The following PRKCZ variants were observed in gnomAD, a reference collection of about 807,000 sequenced individuals.
PRKCZ encodes protein kinase C zeta, also known as protein kinase C zeta type.
PRKCZ carries 33 observed loss-of-function variants against 79.5 expected under a neutral mutation model. That is an observed-to-expected ratio of 0.41 (90% CI 0.31 to 0.55). PRKCZ has a LOEUF of 0.55. Ranked by LOEUF, PRKCZ falls within the 20% of genes least tolerant of loss-of-function variation. The pLI is 0.19. For missense variants in PRKCZ, 578 were observed against 813.5 expected, an observed-to-expected ratio of 0.71 and a Z score of 3.52; for synonymous variants, 342 against 320.9, an observed-to-expected ratio of 1.07 and a Z score of -0.70.
rs1475066618 is a variant in PRKCZ, at chr1:2,055,869, C to CTT, written c.193+311_193+312dup. On this transcript the variant is annotated intron_variant, in intron 2 of 17. Transcript: ENST00000378567. ...CTGACCTCCTTTCTCATGTCCTGGC[C>CTT]TTTTTCGGTAGGTGCTTCTGAAAGG... 8 of 302,414 alleles carry CTT rather than the reference C, an allele frequency of 2.6e-5. No individual in the cohort carries two copies. The East Asian group carries it at 4.3e-4, about 16-fold the overall frequency. 18.7% of individuals were successfully genotyped at this position (302,414 alleles called of 1,614,324 possible).
At chr1:2,079,640 C>T (rs1663104613) in intron 4 of PRKCZ, among the ~76,000 whole-genome samples, 1 of 152,240 alleles carries the variant, frequency 6.6e-6, no homozygotes, top group Non-Finnish European at 1.5e-5. Context: ...ACAACGCTGG[C>T]CCCGCGGCTG....
At chr1:2,048,657 G>A (rs1659424265), upstream of PRKCZ, among the ~76,000 whole-genome samples, 1 of 152,234 alleles carries the variant, frequency 6.6e-6, no homozygotes, top group South Asian at 2.1e-4. Context: ...AGGCTCATTA[G>A]GAGGATGCCT....
chr1:2,118,752 T>A (rs889512585), intron 4 of PRKCZ, among the ~76,000 whole-genome samples: 4 of 142,346 alleles, frequency 2.8e-5, no homozygotes, highest in Non-Finnish European at 6.0e-5. Context: ...TGTGTGTGTG[T>A]GTGAGATGAG....
At chr1:2,110,555 A>T (rs1276327863) in intron 4 of PRKCZ, among the ~76,000 whole-genome samples, 1 of 152,128 alleles carries the variant, frequency 6.6e-6, no homozygotes, top group Non-Finnish European at 1.5e-5. Flanking sequence ...AGGGAAACAG[A>T]GACTCCTCTG....
intron 4 of PRKCZ, among the ~76,000 whole-genome samples, chr1:2,072,357 A>G (rs563237741): frequency 3.9e-5 from 6 of 152,260 alleles, no homozygotes; most frequent in South Asian, 2.1e-4. Flanking sequence ...GAGGCCAGCC[A>G]TCAGGAGATG....
chr1:2,128,203 G>A lies in PRKCZ; in HGVS notation c.335-7059G>A, dbSNP rs1674312097. Among the ~76,000 whole-genome samples, 1 of 152,230 alleles carries A rather than the reference G, an allele frequency of 6.6e-6. No homozygotes were observed. Among genetic ancestry groups the A allele is most frequent in the Non-Finnish European group, 1.5e-5 (1 of 68,028 alleles). On this transcript the variant is annotated intron_variant, in intron 4 of 17. Transcript: ENST00000378567. The surrounding 1 kb of genome is among the most constrained non-coding windows in gnomAD (Gnocchi z 6.5). Reference sequence around the variant, plus strand: ...GTCACTGACCTGGGCCACCATAGAAGGCACCTGGCTATCTGCATGTGGCTT... The same window carrying A: ...GTCACTGACCTGGGCCACCATAGAAAGCACCTGGCTATCTGCATGTGGCTT...
In PRKCZ at chr1:2,084,887, C is replaced by T. The variant is rs553344671; in HGVS notation, c.334+25296C>T. The stretch of plus-strand genomic sequence containing the variant: ...GCCTGGTGTAGTGGTGCACACCTGT[C>T]GTTCCAGCTCCTCGGGGAGGCTGAG... On this transcript the variant is annotated intron_variant, in intron 4 of 17. Coordinates refer to ENST00000378567, the MANE Select transcript of PRKCZ (RefSeq NM_002744.6). Among the ~76,000 whole-genome samples the T allele has an allele frequency of 2.6e-3, 397 of 152,102 alleles. 5 individuals carry two copies. Among genetic ancestry groups the T allele is most frequent in the African/African-American group, 9.2e-3 (382 of 41,482 alleles).
At chr1:2,104,120 A>G (rs1667960875) in intron 4 of PRKCZ, among the ~76,000 whole-genome samples, 1 of 152,004 alleles carries the variant, frequency 6.6e-6, no homozygotes, top group African/African-American at 2.4e-5. Context: ...CGCGCCTGTA[A>G]GGAGACTGTC....
At chr1:2,109,184 G>T (rs1429961772) in intron 4 of PRKCZ, among the ~76,000 whole-genome samples, 1 of 152,240 alleles carries the variant, frequency 6.6e-6, no homozygotes, top group African/African-American at 2.4e-5. Context: ...CCCGGGACTT[G>T]CATGTGGGGC....
At chr1:2,067,141 A>G (rs144983101) in intron 4 of PRKCZ, among the ~76,000 whole-genome samples, 63 of 152,172 alleles carry the variant, frequency 4.1e-4, no homozygotes, top group African/African-American at 1.5e-3. Context: ...TATACTTTGG[A>G]TAATGTCTGT....
chr1:2,179,846 C>T (rs553814745), intron 16 of PRKCZ, among the ~76,000 whole-genome samples: 3 of 152,180 alleles, frequency 2.0e-5, no homozygotes, highest in South Asian at 2.1e-4. Context: ...CCTGGGAGCT[C>T]GGTGGGAGGA....
chr1:2,083,604 A>T (rs1380387371), intron 4 of PRKCZ, among the ~76,000 whole-genome samples: 1 of 152,176 alleles, frequency 6.6e-6, no homozygotes, highest in Non-Finnish European at 1.5e-5. Flanking sequence ...GAGCCATCAC[A>T]CCTGCCTCTG....
chr1:2,107,330 T>C (rs1668750288), intron 4 of PRKCZ, among the ~76,000 whole-genome samples: 1 of 152,224 alleles, frequency 6.6e-6, no homozygotes. Context: ...CAGGTCCTGC[T>C]CCAGACCTGC....
chr1:2,134,183 G>A (rs1321071897), intron 4 of PRKCZ, among the ~76,000 whole-genome samples: 2 of 152,216 alleles, frequency 1.3e-5, no homozygotes, highest in African/African-American at 4.8e-5. Flanking sequence ...TTTGACCTGC[G>A]CTCCTGGAGG....
In PRKCZ at chr1:2,185,083, C is replaced by T; in HGVS notation, c.*74C>T. On this transcript the variant is annotated 3_prime_UTR_variant, in exon 18 of 18. Coordinates refer to ENST00000378567, the MANE Select transcript of PRKCZ (RefSeq NM_002744.6). ...TATCCTTAACCACCGCATATGCATG[C>T]CAGGCTGGGCACGGCTCCGAGGGCG... 1 of 1,395,748 alleles carries T rather than the reference C, an allele frequency of 7.2e-7. No individual in the cohort carries two copies. Among genetic ancestry groups the T allele is most frequent in the South Asian group, 1.2e-5 (1 of 81,046 alleles). 86.5% of individuals were successfully genotyped at this position (1,395,748 alleles called of 1,614,324 possible). A position where few individuals can be genotyped will look rare whatever the true frequency, so the allele number is the denominator to read the frequency against.
chr1:2,073,118 C>T (rs1462721472), intron 4 of PRKCZ, among the ~76,000 whole-genome samples: 1 of 152,170 alleles, frequency 6.6e-6, no homozygotes, highest in Non-Finnish European at 1.5e-5. Flanking sequence ...CAGCCAGGCA[C>T]AGCACAGCCC....
intron 4 of PRKCZ, among the ~76,000 whole-genome samples, chr1:2,070,777 T>G (rs1005443209): frequency 5.6e-4 from 5 of 8,904 alleles, no homozygotes; most frequent in Non-Finnish European, 1.6e-3. Context: ...GGGGCTGGGG[T>G]GGGGCTGGCG....
rs753878714 is a variant in PRKCZ at position 2,144,293 on chromosome 1, C to G, written c.504C>G (p.Val168=). Residue 168 remains valine (V), a synonymous_variant, in exon 6 of 18, where the codon GTC becomes GTG. Transcript: ENST00000378567. ...GYRCINCKLL[V]HKRCHGLVPL... ...GGTGCATCAACTGCAAACTGCTGGT[C>G]CATAAGCGCTGCCACGGCCTCGTCC... 1 of 1,569,780 alleles carries G rather than the reference C, an allele frequency of 6.4e-7. No homozygotes were observed. Among genetic ancestry groups the G allele is most frequent in the South Asian group, 1.2e-5 (1 of 85,338 alleles).
At chr1:2,120,516 T>C (rs1671684423) in intron 4 of PRKCZ, among the ~76,000 whole-genome samples, 2 of 151,972 alleles carry the variant, frequency 1.3e-5, no homozygotes, top group East Asian at 1.9e-4. Context: ...TTGACCAGGC[T>C]GGTCTGGAAC....
Sources: allele counts gnomAD v4.1 joint callset (sites outside exome capture counted in the v4.1 genomes callset), GRCh38; gene constraint gnomAD v4.1.1; non-coding constraint Gnocchi (gnomAD v3.1); transcripts MANE v1.5; gene names NCBI Gene and HGNC (gene_info 2026-07-23, HGNC 2026-07-21).